Variants in BRPF3 observed in about 807,000 individuals in gnomAD.
BRPF3 encodes bromodomain and PHD finger-containing protein 3.
BRPF3 carries 18 observed loss-of-function variants against 102.0 expected under a neutral mutation model. The ratio of observed to expected loss-of-function variants is 0.18; its 90% CI spans 0.12 to 0.26. The LOEUF (loss-of-function observed/expected upper bound fraction) is 0.26. Among genes scored for constraint, BRPF3 ranks in the 10% least tolerant of loss-of-function variants. The pLI is 1.00. For missense variants in BRPF3, 1,147 were observed against 1,567.8 expected, an observed-to-expected ratio of 0.73 and a Z score of 4.53; for synonymous variants, 570 against 614.2, an observed-to-expected ratio of 0.93 and a Z score of 1.06.
At chr6:36,206,388 G>T (rs968843852) in intron 3 of BRPF3, among the ~76,000 whole-genome samples, 41 of 152,296 alleles carry the variant, frequency 2.7e-4, no homozygotes, top group African/African-American at 9.1e-4. Flanking sequence ...CAAGGCCTAG[G>T]TGAGCAATGT....
At chr6:36,204,325 C>G in intron 2 of BRPF3, 3 of 305,856 alleles carry the variant, frequency 9.8e-6, no homozygotes, top group Non-Finnish European at 1.9e-5. Flanking sequence ...TAAGAGGAGG[C>G]TGGGGGTATT....
At position 36,210,660 on chromosome 6, in the gene BRPF3, G is replaced by A; in HGVS notation, c.2179+132G>A. 1 of 770,972 alleles carries A rather than the reference G, an allele frequency of 1.3e-6. No homozygotes were observed. The highest frequency in any genetic ancestry group is 2.7e-5 in the East Asian group (1 of 37,638). 47.8% of individuals were successfully genotyped at this position (770,972 alleles called of 1,614,324 possible). ...AGGAGCAAAGCTGAGGGTGAGCACA[G>A]ACTGAGGTATACCTTTGTGGCTAGA... is the stretch of plus-strand genomic sequence containing the variant. On this transcript the variant is annotated intron_variant, in intron 6 of 12. Transcript: ENST00000357641. The surrounding 1 kb of genome is among the most constrained non-coding windows in gnomAD (Gnocchi z 4.7).
In BRPF3 at chr6:36,232,597, A is replaced by T. The variant is rs1768971261; in HGVS notation, c.*1988A>T. ...GTCTCTGTCGCGTCTGCTGTGAAGCACATGATGCTCTATTTATTGTAGAGA... is the reference window on the plus strand; with the variant it reads ...GTCTCTGTCGCGTCTGCTGTGAAGCTCATGATGCTCTATTTATTGTAGAGA... On this transcript the variant is annotated 3_prime_UTR_variant, in exon 13 of 13. Coordinates refer to ENST00000357641, the MANE Select transcript of BRPF3 (RefSeq NM_015695.3). The T allele has an allele frequency of 6.6e-6, 1 of 152,662 alleles. No individual in the cohort carries two copies. Among genetic ancestry groups the T allele is most frequent in the Non-Finnish European group, 1.5e-5 (1 of 68,040 alleles). The allele number at this position is 152,662 out of a possible 1,614,324, so 9.5% of individuals were successfully genotyped here.
At chr6:36,212,572 G>GA (rs1013260246) in intron 7 of BRPF3, among the ~76,000 whole-genome samples, 855 of 44,812 alleles carry the variant, frequency 0.019, 4 homozygotes, top group East Asian at 0.075. Context: ...GCATCACCTA[G>GA]AAAAAAAAAA....
chr6:36,220,987 G>A (rs1312696893), intron 9 of BRPF3, among the ~76,000 whole-genome samples: 1 of 152,178 alleles, frequency 6.6e-6, no homozygotes, highest in Non-Finnish European at 1.5e-5. Flanking sequence ...TCTGCAGATT[G>A]ATGACCTATT....
At chr6:36,222,070 C>A in intron 9 of BRPF3, 98 bp from the exon 10 acceptor site, 3 of 1,221,840 alleles carry the variant, frequency 2.5e-6, no homozygotes, top group South Asian at 1.3e-5. Flanking sequence ...GTTTTTGCAG[C>A]TCCACTCCTG....
chr6:36,229,735 A>G (rs1305717813), intron 12 of BRPF3, among the ~76,000 whole-genome samples: 1 of 152,210 alleles, frequency 6.6e-6, no homozygotes, highest in Non-Finnish European at 1.5e-5. Flanking sequence ...GCTAATAAAA[A>G]CAGTGATAAT....
chr6:36,231,900 C>T lies in BRPF3; in HGVS notation c.*1291C>T, dbSNP rs1339361817. 6.6e-6 allele frequency: 1 copy of T among 152,640 alleles called. No individual in the cohort carries two copies. Among genetic ancestry groups the T allele is most frequent in the Non-Finnish European group, 1.5e-5 (1 of 68,046 alleles). 9.5% of individuals were successfully genotyped at this position (152,640 alleles called of 1,614,324 possible). On this transcript the variant is annotated 3_prime_UTR_variant, in exon 13 of 13. Coordinates refer to ENST00000357641, the MANE Select transcript of BRPF3 (RefSeq NM_015695.3). ...TCTGTTCTCTGGACATTTCTTTTCA[C>T]CTCCTGAGCACCAAAGTCGCAGGGC... is the stretch of plus-strand genomic sequence containing the variant.
intron 9 of BRPF3, among the ~76,000 whole-genome samples, chr6:36,219,216 G>A (rs896250588): frequency 6.6e-6 from 1 of 152,120 alleles, no homozygotes; most frequent in Non-Finnish European, 1.5e-5. Context: ...TCGTTGGCCT[G>A]GACTGGTTCC....
chr6:36,206,509 G>C (rs756055254), intron 3 of BRPF3, among the ~76,000 whole-genome samples: 2 of 152,184 alleles, frequency 1.3e-5, no homozygotes, highest in African/African-American at 2.4e-5. Context: ...GCTGTATCCT[G>C]GATCTTCCTT....
intron 2 of BRPF3, 196 bp from the exon 3 acceptor site, chr6:36,204,462 A>C: frequency 1.6e-6 from 1 of 622,110 alleles, no homozygotes; most frequent in Non-Finnish European, 2.9e-6. Context: ...AAAGCAAATG[A>C]AATAACTCAT....
In BRPF3 at chr6:36,217,408, T is replaced by C. The variant is rs148439074; in HGVS notation, c.2990-509T>C. On this transcript the variant is annotated intron_variant, in intron 8 of 12. Transcript: ENST00000357641. Reference sequence around the variant, plus strand: ...GTGGTTGACAAAGGGCCCTTATCCATCTCTAGTCTCTCTTGACACCACCCC... The same window carrying C: ...GTGGTTGACAAAGGGCCCTTATCCACCTCTAGTCTCTCTTGACACCACCCC... 2.7e-3 allele frequency among the ~76,000 whole-genome samples: 414 copies of C among 152,258 alleles called. 4 individuals are homozygous for C. Among genetic ancestry groups the C allele is most frequent in the African/African-American group, 9.2e-3 (382 of 41,546 alleles).
chr6:36,203,628 G>A (rs1056271893), intron 2 of BRPF3, among the ~76,000 whole-genome samples: 4 of 152,178 alleles, frequency 2.6e-5, no homozygotes, highest in East Asian at 1.9e-4. Context: ...GGTGAGCAAC[G>A]TCCTGCCCAA....
intron 3 of BRPF3, among the ~76,000 whole-genome samples, chr6:36,206,727 A>G (rs1473507877): frequency 6.6e-6 from 1 of 152,180 alleles, no homozygotes; most frequent in Admixed American, 6.5e-5. Context: ...TCTCTGATCT[A>G]ACCTCCACCT....
chr6:36,228,440 C>G (rs181179797), intron 11 of BRPF3, among the ~76,000 whole-genome samples: 3 of 152,270 alleles, frequency 2.0e-5, no homozygotes, highest in Admixed American at 1.3e-4. Flanking sequence ...CATCATACCC[C>G]CCTCTCCATC....
Position 36,201,747 on chromosome 6 carries a change from T to C in BRPF3, c.1425T>C (p.Ala475=). The part of the protein sequence containing the change: ...QDTPSTLPML[A]VPQIPSYRLN... ...CACCCTCCACTCTCCCCATGCTTGC[T>C]GTCCCACAGATACCCTCTTACAGGT... The change falls in exon 2 of 13, where the codon GCT becomes GCC. Residue 475 remains alanine, a synonymous_variant. Transcript: ENST00000357641. This position sits in a 1 kb window ranked among gnomAD's most constrained non-coding sequence, Gnocchi z 5.1. 1 of 1,609,300 alleles carries C rather than the reference T, an allele frequency of 6.2e-7. No individual in the cohort carries two copies. The highest frequency in any genetic ancestry group is 8.5e-7 in the Non-Finnish European group (1 of 1,177,464).
chr6:36,224,921 A>T (rs1357528192), intron 10 of BRPF3, among the ~76,000 whole-genome samples: 1 of 152,278 alleles, frequency 6.6e-6, no homozygotes, highest in Non-Finnish European at 1.5e-5. Flanking sequence ...TTCAAATTTC[A>T]GTGTCCAAAA....
At chr6:36,198,386 G>T (rs1206211242) in intron 1 of BRPF3, among the ~76,000 whole-genome samples, 1 of 152,122 alleles carries the variant, frequency 6.6e-6, no homozygotes, top group Admixed American at 6.5e-5. Context: ...GGTCACAGAG[G>T]GCCAAGATTA....
At position 36,211,413 on chromosome 6, in the gene BRPF3, C is replaced by T. The variant is rs762410616; in HGVS notation, c.2335C>T (p.Arg779Trp). ...GCTACGCCGGGAGATCAATGCCCTT[C>T]GGCAGAAGCTGGCACAGCCACCACC... ...RLLRREINALRQKLAQPPPPQ... is the reference protein window; with the variant it reads ...RLLRREINALWQKLAQPPPPQ... The change falls in exon 7 of 13, where the codon CGG (arginine) becomes TGG (tryptophan). Residue 779 changes from arginine (R) to tryptophan (W), a missense_variant. Arg to Trp is a moderately radical substitution (Grantham distance 101, BLOSUM62 -3). Around this residue, in one of 11 missense-constraint regions of BRPF3, gnomAD observed 379 missense variants for 426.3 expected, o/e 0.89. Transcript: ENST00000357641. 3.1e-6 allele frequency: 5 copies of T among 1,613,614 alleles called. No homozygotes were observed. Among genetic ancestry groups the T allele is most frequent in the South Asian group, 2.2e-5 (2 of 91,040 alleles).
Sources: gnomAD v4.1 joint callset for allele counts (sites outside exome capture counted in the v4.1 genomes callset) on GRCh38, gnomAD v4.1.1 for gene constraint, gnomAD v4.1.1 regional missense constraint, Gnocchi (gnomAD v3.1) non-coding constraint, MANE v1.5 for transcripts, NCBI Gene and HGNC (gene_info 2026-07-23, HGNC 2026-07-21) for gene names.